The following RIMS1 variants were observed in gnomAD, a reference collection of about 807,000 sequenced individuals.
RIMS1 encodes regulating synaptic membrane exocytosis protein 1.
RIMS1 carries 83 observed loss-of-function variants against 214.1 expected under a neutral mutation model. The observed-to-expected ratio is 0.39, with a 90% CI of 0.32 to 0.47. The LOEUF is 0.47. Ranked by LOEUF, RIMS1 falls within the 20% of genes least tolerant of loss-of-function variation. The pLI is 0.99. For synonymous variants in RIMS1, 793 were observed against 786.8 expected (o/e 1.01, Z -0.13); for missense variants, 2,050 against 2,161.8 (o/e 0.95, Z 1.03).
At chr6:72,310,379 T>A (rs747357574) in intron 27 of RIMS1, among the ~76,000 whole-genome samples, 1 of 152,068 alleles carries the variant, frequency 6.6e-6, no homozygotes, top group Non-Finnish European at 1.5e-5. Context: ...TGTTTAGGTA[T>A]CCTTGAAATG....
intron 6 of RIMS1, among the ~76,000 whole-genome samples, chr6:72,222,473 A>G (rs2154050241): frequency 6.6e-6 from 1 of 152,238 alleles, no homozygotes; most frequent in Non-Finnish European, 1.5e-5. Flanking sequence ...AGTGCATTTA[A>G]TCTTTAAATT....
Position 71,952,543 on chromosome 6 carries a change from A to C in RIMS1, c.165-16440A>C, listed in dbSNP as rs192949420. 5.0e-3 allele frequency among the ~76,000 whole-genome samples: 758 copies of C among 152,312 alleles called. 8 individuals are homozygous for C. Among genetic ancestry groups the C allele is most frequent in the Non-Finnish European group, 7.4e-3 (506 of 68,030 alleles). On this transcript the variant is annotated intron_variant, in intron 1 of 33. Coordinates refer to ENST00000521978, the MANE Select transcript of RIMS1 (RefSeq NM_014989.7). The stretch of plus-strand genomic sequence containing the variant: ...GAATGAGGTAAGTAGCTGATGGAGG[A>C]AGGTGGTGTCCCCTCAGAGAGCAGC...
At chr6:72,055,656 C>T (rs1460032517) in intron 2 of RIMS1, among the ~76,000 whole-genome samples, 1 of 151,884 alleles carries the variant, frequency 6.6e-6, no homozygotes, top group Non-Finnish European at 1.5e-5. Flanking sequence ...TCATAGATGG[C>T]TCTTATTATT....
intron 1 of RIMS1, among the ~76,000 whole-genome samples, chr6:71,893,549 A>T (rs993081260): frequency 6.6e-6 from 1 of 152,152 alleles, no homozygotes; most frequent in African/African-American, 2.4e-5. Context: ...AATTAGCTGA[A>T]TAAGGGGTCA....
At chr6:71,908,594 A>G (rs1430028055) in intron 1 of RIMS1, among the ~76,000 whole-genome samples, 4 of 152,190 alleles carry the variant, frequency 2.6e-5, no homozygotes, top group Non-Finnish European at 4.4e-5. Context: ...TAATTTACTC[A>G]TAGGCTCTGA....
intron 29 of RIMS1, among the ~76,000 whole-genome samples, chr6:72,385,743 T>C (rs2098588258): frequency 6.6e-6 from 1 of 152,226 alleles, no homozygotes; most frequent in Admixed American, 6.5e-5. Flanking sequence ...GTTGCATGAA[T>C]TCTGTTTCTC....
chr6:71,999,776 T>C (rs1336338414), intron 2 of RIMS1, among the ~76,000 whole-genome samples: 2 of 152,146 alleles, frequency 1.3e-5, no homozygotes, highest in Non-Finnish European at 2.9e-5. Flanking sequence ...TTTTTGTTGG[T>C]TGTGGGGTAA....
At chr6:72,276,280 A>G (rs2086357320) in intron 23 of RIMS1, among the ~76,000 whole-genome samples, 1 of 152,240 alleles carries the variant, frequency 6.6e-6, no homozygotes, top group Non-Finnish European at 1.5e-5. Flanking sequence ...GTATTCCAAA[A>G]CAAATAAAAT....
chr6:72,020,407 A>G (rs1814241979), intron 2 of RIMS1, among the ~76,000 whole-genome samples: 1 of 152,156 alleles, frequency 6.6e-6, no homozygotes. Flanking sequence ...ACTTGTTTGG[A>G]AAGCCATGTT....
At chr6:72,263,524 A>C in intron 19 of RIMS1, 1 of 985,226 alleles carries the variant, frequency 1.0e-6, no homozygotes, top group Non-Finnish European at 1.2e-6. Flanking sequence ...GCTATTTTCT[A>C]GCTGTTTCCC....
Position 72,155,951 on chromosome 6 carries a change from A to G in RIMS1, c.472-23624A>G, listed in dbSNP as rs544635852. On this transcript the variant is annotated intron_variant, in intron 4 of 33. Transcript: ENST00000521978. ...GAGATATCACCTCACACCTATTATC[A>G]AAATGTTAGAAGATAACAAGTGTTG... 7.7e-5 allele frequency: 16 copies of G among 208,206 alleles called. 1 individual carries two copies. Among genetic ancestry groups the G allele is most frequent in the South Asian group, 7.6e-4 (15 of 19,794 alleles). 12.9% of individuals were successfully genotyped at this position (208,206 alleles called of 1,614,324 possible).
intron 1 of RIMS1, among the ~76,000 whole-genome samples, chr6:71,910,327 A>C (rs1776507239): frequency 1.3e-5 from 2 of 152,030 alleles, no homozygotes; most frequent in South Asian, 4.2e-4. Context: ...TATTTGTCTG[A>C]CTCTGGAAGC....
At chr6:72,356,396 G>A (rs2097646159) in intron 29 of RIMS1, among the ~76,000 whole-genome samples, 1 of 152,038 alleles carries the variant, frequency 6.6e-6, no homozygotes, top group African/African-American at 2.4e-5. Flanking sequence ...TCTCCAGAAA[G>A]ACAGGGCATA....
chr6:72,163,893 G>A (rs1272592351), intron 4 of RIMS1, among the ~76,000 whole-genome samples: 2 of 152,212 alleles, frequency 1.3e-5, no homozygotes, highest in East Asian at 3.9e-4. Flanking sequence ...CTGCGTGCTG[G>A]GAGAACCAAT....
chr6:72,312,839 T>C (rs2095580427), intron 27 of RIMS1, among the ~76,000 whole-genome samples: 1 of 152,190 alleles, frequency 6.6e-6, no homozygotes, highest in South Asian at 2.1e-4. Flanking sequence ...TGACTAGTTT[T>C]AGAAAGTATC....
intron 1 of RIMS1, among the ~76,000 whole-genome samples, chr6:71,897,136 A>T (rs1012313720): frequency 6.6e-6 from 1 of 152,138 alleles, no homozygotes; most frequent in Non-Finnish European, 1.5e-5. Context: ...TTCACCCATC[A>T]TCAAATCCTA....
chr6:71,943,808 A>G (rs1313994534), intron 1 of RIMS1, among the ~76,000 whole-genome samples: 1 of 152,198 alleles, frequency 6.6e-6, no homozygotes, highest in Non-Finnish European at 1.5e-5. Context: ...CACTAAAGTT[A>G]TGATCCATTC....
intron 2 of RIMS1, among the ~76,000 whole-genome samples, chr6:72,062,477 C>T (rs78604635): frequency 0.013 from 2,037 of 152,090 alleles, 49 homozygotes; most frequent in African/African-American, 0.047. Context: ...GCAGAAACCC[C>T]GTTTTTTCTA....
At chr6:71,987,005 T>C (rs1694243090) in intron 2 of RIMS1, among the ~76,000 whole-genome samples, 1 of 152,294 alleles carries the variant, frequency 6.6e-6, no homozygotes, top group East Asian at 1.9e-4. Flanking sequence ...AGAGGATAAA[T>C]GATGGAGCCA....
Sources: allele counts gnomAD v4.1 joint callset (sites outside exome capture counted in the v4.1 genomes callset), GRCh38; gene constraint gnomAD v4.1.1; transcripts MANE v1.5; gene names NCBI Gene and HGNC (gene_info 2026-07-23, HGNC 2026-07-21).